Variants in CEP83 observed in about 807,000 individuals in gnomAD.
CEP83 encodes centrosomal protein of 83 kDa.
In CEP83, 70 loss-of-function variants were observed where a neutral mutation model predicts 101.9. The ratio of observed to expected loss-of-function variants is 0.69; its 90% CI spans 0.57 to 0.84. CEP83 has a LOEUF of 0.84. CEP83 is among the 40% of genes least tolerant of loss of function. CEP83 has a pLI of 0.00. For synonymous variants in CEP83, 264 were observed against 267.9 expected, an observed-to-expected ratio of 0.99 and a Z score of 0.14; for missense variants, 715 against 787.2, an observed-to-expected ratio of 0.91 and a Z score of 1.10.
intron 2 of CEP83, chr12:94,424,112 G>A: frequency 3.1e-6 from 5 of 1,605,456 alleles, no homozygotes; most frequent in African/African-American, 1.3e-5. Context: ...CGAAGACACA[G>A]GAGAGGAAAG....
At chr12:94,316,942 T>C (rs936722869) in intron 14 of CEP83, among the ~76,000 whole-genome samples, 1 of 152,192 alleles carries the variant, frequency 6.6e-6, no homozygotes, top group Non-Finnish European at 1.5e-5. Flanking sequence ...ATTTACCCAG[T>C]AATGGGATTG....
chr12:94,360,011 CTGAA>C (rs1417069835), intron 11 of CEP83, among the ~76,000 whole-genome samples: 2 of 152,120 alleles, frequency 1.3e-5, no homozygotes, highest in Admixed American at 1.3e-4. Context: ...ATCGTATCAA[CTGAA>C]TGAAGAAAAA....
chr12:94,411,830 A>T lies in CEP83; in HGVS notation c.191T>A (p.Val64Glu). Reference sequence around the variant, plus strand: ...GTGCTTGAGTTCATTTTGTAACTTTACATGTTCATTCTGCAACCTGGTTTT... The same window carrying T: ...GTGCTTGAGTTCATTTTGTAACTTTTCATGTTCATTCTGCAACCTGGTTTT... The part of the protein sequence containing the change: ...AEHTRLQNEH[V>E]KLQNELKHLF... The change falls in exon 4 of 17, where the codon GTA becomes GAA. Residue 64 changes from valine (V) to glutamate (E), a missense_variant. Coordinates refer to ENST00000397809, the MANE Select transcript of CEP83 (RefSeq NM_016122.3). 1.2e-6 allele frequency: 2 copies of T among 1,610,798 alleles called. No homozygotes were observed. Among genetic ancestry groups the T allele is most frequent in the Non-Finnish European group, 1.7e-6 (2 of 1,179,212 alleles).
At chr12:94,405,742 T>C (rs955433089) in intron 4 of CEP83, among the ~76,000 whole-genome samples, 1 of 152,160 alleles carries the variant, frequency 6.6e-6, no homozygotes, top group African/African-American at 2.4e-5. Context: ...TTTCAGGACC[T>C]GGCACCGGAA....
chr12:94,456,007 C>G (rs910947066), intron 1 of CEP83, among the ~76,000 whole-genome samples: 1 of 150,664 alleles, frequency 6.6e-6, no homozygotes, highest in African/African-American at 2.4e-5. Context: ...AAGATTGCAC[C>G]ACTACGCTCC....
At chr12:94,439,431 GGA>G (rs2066233932) in intron 1 of CEP83, among the ~76,000 whole-genome samples, 1 of 151,956 alleles carries the variant, frequency 6.6e-6, no homozygotes, top group South Asian at 2.1e-4. Context: ...AAAACCTAGA[GGA>G]GATGGATAAA....
intron 8 of CEP83, among the ~76,000 whole-genome samples, chr12:94,373,142 A>T (rs531094063): frequency 2.6e-5 from 4 of 152,228 alleles, no homozygotes; most frequent in African/African-American, 9.6e-5. Flanking sequence ...TTTAAATAAA[A>T]TGCTCATGTT....
chr12:94,419,434 T>C (rs1339894156), intron 2 of CEP83, among the ~76,000 whole-genome samples: 1 of 152,154 alleles, frequency 6.6e-6, no homozygotes, highest in Non-Finnish European at 1.5e-5. Flanking sequence ...CTCCCCAATC[T>C]ACAGATGATG....
At chr12:94,334,978 A>G (rs533735479) in intron 12 of CEP83, among the ~76,000 whole-genome samples, 5 of 152,258 alleles carry the variant, frequency 3.3e-5, no homozygotes, top group Admixed American at 2.6e-4. Context: ...ATAACTGCAC[A>G]TGAAAAGCAG....
At chr12:94,287,149 A>G in the CEP83 span, among the ~76,000 whole-genome samples, 1 of 152,210 alleles carries the variant, frequency 6.6e-6, no homozygotes, top group African/African-American at 2.4e-5. Context: ...TCTGATGAAC[A>G]CAGAGGAGGG....
chr12:94,349,283 C>T (rs1353822225), intron 11 of CEP83, among the ~76,000 whole-genome samples: 1 of 124,260 alleles, frequency 8.0e-6, no homozygotes, highest in Non-Finnish European at 1.6e-5. Context: ...AAGACTCTGT[C>T]TCAAAAAAAA....
intron 1 of CEP83, among the ~76,000 whole-genome samples, chr12:94,455,848 C>A (rs551680413): frequency 6.6e-6 from 1 of 152,120 alleles, no homozygotes; most frequent in East Asian, 1.9e-4. Flanking sequence ...AGTTCCGAGA[C>A]CAGCCTGGCC....
At chr12:94,297,140 T>C in the CEP83 span, 1 of 1,600,366 alleles carries the variant, frequency 6.2e-7, no homozygotes, top group Non-Finnish European at 8.6e-7. Context: ...TAGCCCATGG[T>C]TGCTTTTTTT....
At chr12:94,343,694 C>T (rs2059806851) in intron 11 of CEP83, among the ~76,000 whole-genome samples, 1 of 150,370 alleles carries the variant, frequency 6.7e-6, no homozygotes, top group Non-Finnish European at 1.5e-5. Context: ...GGGGTTTCAC[C>T]TTGTTAGCCA....
chr12:94,368,455 A>G (rs1186875294), intron 9 of CEP83: 2 of 360,618 alleles, frequency 5.5e-6, no homozygotes, highest in Non-Finnish European at 9.9e-6. Flanking sequence ...TAAAAGCTGT[A>G]TACATTTACT....
chr12:94,292,699 A>C, the CEP83 span, among the ~76,000 whole-genome samples: 1 of 152,202 alleles, frequency 6.6e-6, no homozygotes, highest in East Asian at 1.9e-4. Context: ...ACAGAGCCTG[A>C]AGGTAATTTT....
At chr12:94,311,663 ACT>A (rs1421331283) in intron 15 of CEP83, among the ~76,000 whole-genome samples, 1 of 152,212 alleles carries the variant, frequency 6.6e-6, no homozygotes, top group Non-Finnish European at 1.5e-5. Flanking sequence ...TAGGAAAAAC[ACT>A]GGTTTTTCCT....
chr12:94,360,177 C>T (rs1038971182), intron 11 of CEP83, among the ~76,000 whole-genome samples: 3 of 151,742 alleles, frequency 2.0e-5, no homozygotes, highest in Non-Finnish European at 4.4e-5. Context: ...TCATACTGAA[C>T]AAAAAAACAT....
intron 15 of CEP83, among the ~76,000 whole-genome samples, chr12:94,311,227 G>A (rs1353599355): frequency 6.6e-6 from 1 of 152,134 alleles, no homozygotes; most frequent in Non-Finnish European, 1.5e-5. Context: ...GAGAGGGCAT[G>A]GAAACTCCAC....
Sources: gnomAD v4.1 joint callset for allele counts (sites outside exome capture counted in the v4.1 genomes callset) on GRCh38, gnomAD v4.1.1 for gene constraint, MANE v1.5 for transcripts, NCBI Gene and HGNC (gene_info 2026-07-23, HGNC 2026-07-21) for gene names.